The following ADAMTSL1 variants were observed in gnomAD, a reference collection of about 807,000 sequenced individuals.
ADAMTSL1 encodes the protein ADAMTS like 1, also known as ADAMTS-like protein 1.
In ADAMTSL1, 126 loss-of-function variants were observed where a neutral mutation model predicts 201.8. The observed-to-expected ratio is 0.62, with a 90% CI of 0.54 to 0.72. ADAMTSL1 has a LOEUF of 0.72. Among genes scored for constraint, ADAMTSL1 ranks in the 30% least tolerant of loss-of-function variants. ADAMTSL1 has a pLI of 0.00. For synonymous variants in ADAMTSL1, 1,121 were observed against 903.4 expected (o/e 1.24, Z -4.32); for missense variants, 2,679 against 2,277.8 (o/e 1.18, Z -3.59).
chr9:18,332,305 T>C (rs561458519), intron 2 of ADAMTSL1, among the ~76,000 whole-genome samples: 4 of 152,290 alleles, frequency 2.6e-5, no homozygotes, highest in East Asian at 1.9e-4. Flanking sequence ...ATTTTATATT[T>C]AGGGATGGGT....
intron 15 of ADAMTSL1, among the ~76,000 whole-genome samples, chr9:18,745,156 C>A (rs547386866): frequency 1.6e-4 from 25 of 152,210 alleles, no homozygotes; most frequent in Non-Finnish European, 2.8e-4. Flanking sequence ...TCATCATTAA[C>A]CTTTGACCCA....
intron 4 of ADAMTSL1, among the ~76,000 whole-genome samples, chr9:18,598,870 G>C (rs1019647158): frequency 6.6e-6 from 1 of 152,066 alleles, no homozygotes; most frequent in Non-Finnish European, 1.5e-5. Context: ...CAGAGAAAGG[G>C]ACGGGGTGGG....
chr9:18,402,371 T>C (rs1818019412), intron 2 of ADAMTSL1, among the ~76,000 whole-genome samples: 1 of 152,214 alleles, frequency 6.6e-6, no homozygotes, highest in Non-Finnish European at 1.5e-5. Context: ...GCCACTGTCA[T>C]TGGTGTGCTC....
intron 7 of ADAMTSL1, among the ~76,000 whole-genome samples, chr9:18,644,035 G>A (rs1022202986): frequency 6.6e-6 from 1 of 151,602 alleles, no homozygotes; most frequent in Non-Finnish European, 1.5e-5. Context: ...CCATTAATTT[G>A]TGTTTTCTTC....
chr9:18,291,374 ACT>A (rs1416179295), intron 2 of ADAMTSL1, among the ~76,000 whole-genome samples: 1 of 151,876 alleles, frequency 6.6e-6, no homozygotes, highest in African/African-American at 2.4e-5. Context: ...CAAACTAGAG[ACT>A]CTGATGCTCT....
At chr9:18,626,509 G>A (rs1230219919) in intron 5 of ADAMTSL1, among the ~76,000 whole-genome samples, 1 of 152,196 alleles carries the variant, frequency 6.6e-6, no homozygotes, top group African/African-American at 2.4e-5. Context: ...GAACAAAGAA[G>A]CCAGTGTGAC....
chr9:18,402,774 AGACACCATCCAGG>A (rs1283948445), intron 2 of ADAMTSL1, among the ~76,000 whole-genome samples: 1 of 152,190 alleles, frequency 6.6e-6, no homozygotes, highest in Non-Finnish European at 1.5e-5. Flanking sequence ...AGCTGAACTT[AGACACCATCCAGG>A]GCCTGGAATT....
In ADAMTSL1 at chr9:18,790,076, T is replaced by A. The variant is rs138108947; in HGVS notation, c.3678-5321T>A. On this transcript the variant is annotated intron_variant, in intron 19 of 28. Transcript: ENST00000380548. ...CAACTAGAAATTCCAAGAAGGTTAC[T>A]TAGGTTATGTGTACCATCAAAAAAA... Among the ~76,000 whole-genome samples, 540 of 152,280 alleles carry A rather than the reference T, an allele frequency of 3.5e-3. 3 individuals carry two copies. Among genetic ancestry groups the A allele is most frequent in the African/African-American group, 0.012 (517 of 41,564 alleles).
At chr9:18,682,319 A>G (rs1830553791) in intron 12 of ADAMTSL1, among the ~76,000 whole-genome samples, 1 of 152,178 alleles carries the variant, frequency 6.6e-6, no homozygotes, top group Admixed American at 6.5e-5. Flanking sequence ...AAGGGAGTGA[A>G]TCCAAGTATG....
chr9:18,602,122 C>G (rs1299381522), intron 4 of ADAMTSL1, among the ~76,000 whole-genome samples: 2 of 152,206 alleles, frequency 1.3e-5, no homozygotes, highest in Non-Finnish European at 2.9e-5. Flanking sequence ...GATTTCACTA[C>G]TGCCTACTGC....
intron 2 of ADAMTSL1, among the ~76,000 whole-genome samples, chr9:18,465,767 G>C (rs200705109): frequency 3.3e-4 from 41 of 125,458 alleles, no homozygotes. Context: ...TTTTGTTTTT[G>C]AGACAGAGTC....
intron 1 of ADAMTSL1, among the ~76,000 whole-genome samples, chr9:18,493,977 G>A (rs1822393417): frequency 6.6e-6 from 1 of 152,214 alleles, no homozygotes; most frequent in Non-Finnish European, 1.5e-5. Context: ...GTCCACTTCT[G>A]GGGATAGATG....
At chr9:18,597,939 A>C (rs1824371822) in intron 4 of ADAMTSL1, among the ~76,000 whole-genome samples, 1 of 152,278 alleles carries the variant, frequency 6.6e-6, no homozygotes, top group African/African-American at 2.4e-5. Flanking sequence ...AGTATAATAA[A>C]CCCCACCTGT....
At chr9:18,322,198 AT>A (rs1834650729) in intron 2 of ADAMTSL1, among the ~76,000 whole-genome samples, 1 of 152,202 alleles carries the variant, frequency 6.6e-6, no homozygotes, top group Non-Finnish European at 1.5e-5. Context: ...CCCCTTTAAG[AT>A]TTTAAAAGAG....
intron 2 of ADAMTSL1, among the ~76,000 whole-genome samples, chr9:18,384,147 A>G (rs1367471489): frequency 6.6e-6 from 1 of 152,310 alleles, no homozygotes; most frequent in East Asian, 1.9e-4. Flanking sequence ...ATTGACTCAC[A>G]GTTACATATG....
intron 2 of ADAMTSL1, among the ~76,000 whole-genome samples, chr9:18,199,656 G>A (rs573225948): frequency 1.3e-5 from 2 of 152,148 alleles, no homozygotes; most frequent in African/African-American, 4.8e-5. Flanking sequence ...CTTTTTTCTG[G>A]AGAAAATGTA....
intron 1 of ADAMTSL1, among the ~76,000 whole-genome samples, chr9:18,002,555 A>G (rs1819656691): frequency 6.6e-6 from 1 of 152,104 alleles, no homozygotes; most frequent in Non-Finnish European, 1.5e-5. Flanking sequence ...ACTTTATAAT[A>G]TACATGATCT....
intron 2 of ADAMTSL1, among the ~76,000 whole-genome samples, chr9:18,323,054 G>C (rs1834689937): frequency 6.6e-6 from 1 of 151,896 alleles, no homozygotes; most frequent in African/African-American, 2.4e-5. Context: ...ATGTGACCCT[G>C]ATACAAAATC....
At chr9:18,579,165 G>A (rs183184885) in intron 4 of ADAMTSL1, among the ~76,000 whole-genome samples, 14,894 of 147,180 alleles carry the variant, frequency 0.1, 823 homozygotes, top group Middle Eastern at 0.16. Flanking sequence ...CTATGCAGCC[G>A]TAAAAAATGA....
Sources: gnomAD v4.1 joint callset for allele counts (sites outside exome capture counted in the v4.1 genomes callset) on GRCh38, gnomAD v4.1.1 for gene constraint, MANE v1.5 for transcripts, NCBI Gene and HGNC (gene_info 2026-07-23, HGNC 2026-07-21) for gene names.